Variants in SYNE2 observed in about 807,000 individuals in gnomAD.
The protein encoded by SYNE2 is spectrin repeat containing nuclear envelope protein 2.
In SYNE2, 431 loss-of-function variants were observed where a neutral mutation model predicts 856.3. The ratio of observed to expected loss-of-function variants is 0.50; its 90% CI spans 0.47 to 0.55. SYNE2 has a LOEUF of 0.55. Ranked by LOEUF, SYNE2 falls within the 20% of genes least tolerant of loss-of-function variation. SYNE2 has a pLI of 0.00. For missense variants in SYNE2, 8,129 were observed against 8,023.2 expected, an observed-to-expected ratio of 1.01 and a Z score of -0.50; for synonymous variants, 2,923 against 2,872.3, an observed-to-expected ratio of 1.02 and a Z score of -0.56.
Position 64,120,922 on chromosome 14 carries a change from T to C in SYNE2, c.13024-5T>C. The C allele has an allele frequency of 1.9e-6, 3 of 1,614,088 alleles. No individual in the cohort carries two copies. Among genetic ancestry groups the C allele is most frequent in the Non-Finnish European group, 2.5e-6 (3 of 1,179,960 alleles). The stretch of plus-strand genomic sequence containing the variant: ...AATAGCCTGCCATTATGAAATGTTT[T>C]GCAGCATCCTACCATTCTAAAGAAA... On this transcript the variant is annotated splice_region_variant and splice_polypyrimidine_tract_variant and intron_variant, in intron 67 of 115. Coordinates refer to ENST00000555002, the MANE Select transcript of SYNE2 (RefSeq NM_182914.3).
intron 1 of SYNE2, among the ~76,000 whole-genome samples, chr14:63,827,625 CAAAAAAAAAAA>C (rs11334415): frequency 0.15 from 4,092 of 28,212 alleles, 59 homozygotes; most frequent in Admixed American, 0.24. Context: ...AACTCTGTCT[CAAAAAAAAAAA>C]AAAAAAAAAA....
In SYNE2 at chr14:64,049,855, C is replaced by G; in HGVS notation, c.7622C>G (p.Thr2541Arg). ...GAATCTTCAATGAAAGCCTTGTTGA[C>G]AGACAAGGAAAGTCTTAAAGTGTAA... ...AVESSMKALLTDKESLKVGPL... is the reference protein window; with the variant it reads ...AVESSMKALLRDKESLKVGPL... Residue 2541 changes from threonine (T) to arginine (R), a missense_variant, in exon 47 of 116, where the codon ACA (threonine) becomes AGA (arginine). Physicochemically the swap from Thr to Arg is moderately conservative, Grantham distance 71 (BLOSUM62 -1). This residue lies in a region of SYNE2 where 5,410 missense variants were observed against 5,284.8 expected (regional missense o/e 1.02). Coordinates refer to ENST00000555002, the MANE Select transcript of SYNE2 (RefSeq NM_182914.3). 3 of 1,614,038 alleles carry G rather than the reference C, an allele frequency of 1.9e-6. No individual in the cohort carries two copies. The highest frequency in any genetic ancestry group is 2.5e-6 in the Non-Finnish European group (3 of 1,179,974).
In SYNE2 at chr14:64,075,938, C is replaced by T. The variant is rs1447125584; in HGVS notation, c.10867-7C>T. 1 of 1,613,432 alleles carries T rather than the reference C, an allele frequency of 6.2e-7. No homozygotes were observed. The highest frequency in any genetic ancestry group is 8.5e-7 in the Non-Finnish European group (1 of 1,179,656). On this transcript the variant is annotated splice_region_variant and splice_polypyrimidine_tract_variant and intron_variant, in intron 53 of 115. Coordinates refer to ENST00000555002, the MANE Select transcript of SYNE2 (RefSeq NM_182914.3). ...CGTGAGTATTGCAACTCTCTTAATG[C>T]TTTTAGGAGCTTCAAAGCATCCTTA...
At chr14:63,832,901 A>G (rs541265213) in intron 1 of SYNE2, among the ~76,000 whole-genome samples, 239 of 146,816 alleles carry the variant, frequency 1.6e-3, no homozygotes, top group Non-Finnish European at 3.2e-3. Flanking sequence ...TTAGTCCGGT[A>G]TGGTGGCACG....
At chr14:64,128,011 C>G (rs1406097734) in intron 73 of SYNE2, among the ~76,000 whole-genome samples, 1 of 152,110 alleles carries the variant, frequency 6.6e-6, no homozygotes, top group Non-Finnish European at 1.5e-5. Context: ...TCATTTGGAT[C>G]ATCATTGAAA....
rs1421677072 is a variant in SYNE2 at position 64,113,344 on chromosome 14, A to C, written c.12613A>C (p.Thr4205Pro). The C allele has an allele frequency of 1.2e-6, 2 of 1,613,718 alleles. No homozygotes were observed. Among genetic ancestry groups the C allele is most frequent in the Admixed American group, 3.3e-5 (2 of 60,012 alleles). Residue 4205 changes from threonine (T) to proline (P), a missense_variant, in exon 66 of 116, where the codon ACC (threonine) becomes CCC (proline). By Grantham distance (38) the Thr-to-Pro change is conservative. This residue lies in a region of SYNE2 where 5,410 missense variants were observed against 5,284.8 expected (regional missense o/e 1.02). Coordinates refer to ENST00000555002, the MANE Select transcript of SYNE2 (RefSeq NM_182914.3). ...SLRPNQTEEG[T>P]TPPIEADTLD... ...CTTATCTTTGGATTTCTCTTAGGGC[A>C]CCACACCTCCTATTGAGGCTGACAC...
In SYNE2 at chr14:63,942,214, G is replaced by A. The variant is rs1026582537; in HGVS notation, c.408+71G>A. 8.6e-6 allele frequency: 8 copies of A among 929,300 alleles called. No individual in the cohort carries two copies. The African/African-American group carries it at 1.1e-4, about 13-fold the overall frequency. The allele number at this position is 929,300 out of a possible 1,614,324, so 57.6% of individuals were successfully genotyped here. ...ATAAAATAAATGTAATGCAATAAGTGTGAGTGGACTAGATTCAGTCCTGAG... is the reference window on the plus strand; with the variant it reads ...ATAAAATAAATGTAATGCAATAAGTATGAGTGGACTAGATTCAGTCCTGAG... On this transcript the variant is annotated intron_variant, in intron 6 of 115. Coordinates refer to ENST00000555002, the MANE Select transcript of SYNE2 (RefSeq NM_182914.3).
intron 96 of SYNE2, among the ~76,000 whole-genome samples, chr14:64,179,202 T>C (rs1353841410): frequency 6.6e-6 from 1 of 152,212 alleles, no homozygotes; most frequent in Non-Finnish European, 1.5e-5. Context: ...AGTGGCGCAA[T>C]CTTGGCTCAC....
At chr14:63,905,446 G>A (rs780045951) in intron 1 of SYNE2, among the ~76,000 whole-genome samples, 42 of 152,090 alleles carry the variant, frequency 2.8e-4, no homozygotes, top group Admixed American at 7.2e-4. Context: ...GGCATGGAAC[G>A]TTTTTCCCTT....
intron 109 of SYNE2, among the ~76,000 whole-genome samples, chr14:64,218,827 T>A (rs2140336481): frequency 6.6e-6 from 1 of 152,362 alleles, no homozygotes; most frequent in East Asian, 1.9e-4. Flanking sequence ...CTCAAGTGTC[T>A]CTTCATTCGA....
intron 6 of SYNE2, among the ~76,000 whole-genome samples, chr14:63,947,948 C>G (rs1282086441): frequency 2.0e-5 from 3 of 152,136 alleles, no homozygotes; most frequent in African/African-American, 7.2e-5. Context: ...TTCAAATGAC[C>G]TATTTTGTTT....
intron 45 of SYNE2, among the ~76,000 whole-genome samples, chr14:64,036,871 G>C (rs2097094652): frequency 6.6e-6 from 1 of 152,056 alleles, no homozygotes; most frequent in South Asian, 2.1e-4. Context: ...CATAAACATG[G>C]TCTCTGTTCT....
intron 107 of SYNE2, chr14:64,215,923 G>C: frequency 7.7e-7 from 1 of 1,303,638 alleles, no homozygotes; most frequent in Non-Finnish European, 9.8e-7. Context: ...CCTCACTCCT[G>C]AGAGGCCTTC....
intron 87 of SYNE2, 91 bp from the exon 88 acceptor site, chr14:64,161,981 C>A: frequency 1.4e-6 from 2 of 1,399,834 alleles, no homozygotes; most frequent in East Asian, 2.4e-5. Context: ...GATCCATCTG[C>A]TAGTAACTTA....
intron 57 of SYNE2, among the ~76,000 whole-genome samples, chr14:64,085,212 AC>A (rs1289552782): frequency 2.0e-5 from 3 of 152,192 alleles, no homozygotes; most frequent in Non-Finnish European, 4.4e-5. Context: ...AGTTGGGACT[AC>A]AGGCGCACAC....
intron 45 of SYNE2, among the ~76,000 whole-genome samples, chr14:64,046,714 G>C (rs966875757): frequency 3.9e-5 from 6 of 152,160 alleles, no homozygotes; most frequent in African/African-American, 1.4e-4. Flanking sequence ...CATAAAAGAG[G>C]CACCTCGTCT....
intron 44 of SYNE2, among the ~76,000 whole-genome samples, chr14:64,030,638 T>G (rs921491846): frequency 6.6e-6 from 1 of 152,248 alleles, no homozygotes. Flanking sequence ...ATTAGATTCA[T>G]TGGGTACATT....
rs199747596 is a variant in SYNE2, at chr14:64,062,938, A to G, written c.10212+43A>G. ...TAGCCAGTAAGTCTGTGTGCAAAAAATTGCAGAACAAACTGGCAGAGGCAG... is the reference window on the plus strand; with the variant it reads ...TAGCCAGTAAGTCTGTGTGCAAAAAGTTGCAGAACAAACTGGCAGAGGCAG... On this transcript the variant is annotated intron_variant, in intron 50 of 115. Coordinates refer to ENST00000555002, the MANE Select transcript of SYNE2 (RefSeq NM_182914.3). 7 of 1,613,362 alleles carry G rather than the reference A, an allele frequency of 4.3e-6. No homozygotes were observed. The East Asian group carries it at 1.6e-4, about 36-fold the overall frequency.
intron 1 of SYNE2, among the ~76,000 whole-genome samples, chr14:63,889,081 A>C (rs2095066282): frequency 6.7e-6 from 1 of 149,152 alleles, no homozygotes; most frequent in African/African-American, 2.4e-5. Flanking sequence ...AAGGGTAAAG[A>C]CCTATGATAC....
Sources: allele counts gnomAD v4.1 joint callset (sites outside exome capture counted in the v4.1 genomes callset), GRCh38; gene constraint gnomAD v4.1.1; regional missense constraint gnomAD v4.1.1; transcripts MANE v1.5; gene names NCBI Gene and HGNC (gene_info 2026-07-23, HGNC 2026-07-21).